PDE12: variants seen among roughly 807,000 people sequenced by gnomAD.
PDE12 encodes phosphodiesterase 12.
PDE12 carries 26 observed loss-of-function variants against 45.4 expected under a neutral mutation model. That is an observed-to-expected ratio of 0.57 (90% CI 0.42 to 0.79). The LOEUF (loss-of-function observed/expected upper bound fraction) is 0.79. PDE12 is among the 30% of genes least tolerant of loss of function. The pLI is 0.00. For missense variants in PDE12, 668 were observed against 790.0 expected (o/e 0.85, Z 1.85); for synonymous variants, 283 against 323.9 (o/e 0.87, Z 1.36).
chr3:57,635,260 T>G, the PDE12 span, among the ~76,000 whole-genome samples: 2 of 152,124 alleles, frequency 1.3e-5, no homozygotes, highest in Non-Finnish European at 2.9e-5. Flanking sequence ...GCTTTTCCAT[T>G]ATAGAAACTT....
At chr3:57,601,943 T>A in the PDE12 span, among the ~76,000 whole-genome samples, 3,603 of 150,422 alleles carry the variant, frequency 0.024, 68 homozygotes, top group Non-Finnish European at 0.035. Context: ...TTAGTAGAGA[T>A]GGGGTTTCAC....
chr3:57,557,762 G>C (rs2069683138), intron 1 of PDE12, 75 bp downstream of exon 1: 3 of 1,330,608 alleles, frequency 2.3e-6, no homozygotes, highest in South Asian at 2.6e-5. Flanking sequence ...TGAGGTGGGG[G>C]TTAAAAGTGC....
the PDE12 span, among the ~76,000 whole-genome samples, chr3:57,629,597 C>T: frequency 1.3e-5 from 2 of 150,244 alleles, no homozygotes; most frequent in Non-Finnish European, 3.0e-5. Flanking sequence ...CTGCAAGCTC[C>T]GCCTCCCGGG....
At chr3:57,654,685 C>T in the PDE12 span, 2 of 985,126 alleles carry the variant, frequency 2.0e-6, no homozygotes, top group Middle Eastern at 5.2e-4. Context: ...TTTCTGTGAT[C>T]AAGAAAGCTG....
the PDE12 span, chr3:57,645,604 C>T: frequency 7.8e-7 from 1 of 1,285,398 alleles, no homozygotes. Context: ...AAAAATAATT[C>T]TACACAATTT....
Position 57,556,866 on chromosome 3 carries a change from G to A in PDE12, c.487G>A (p.Ala163Thr). The A allele has an allele frequency of 6.2e-7, 1 of 1,614,102 alleles. No individual in the cohort carries two copies. The highest frequency in any genetic ancestry group is 2.2e-5 in the East Asian group (1 of 44,880). ...GTACAAGGTGGAGCGCAACCCGCCC[G>A]CCTTCACCGAACTGCAGTTGCCGCG... ...VKYKVERNPP[A>T]FTELQLPRYI... Residue 163 changes from alanine to threonine, a missense_variant, in exon 1 of 3, where the codon GCC becomes ACC. Ala to Thr is a moderately conservative substitution (Grantham distance 58). This residue lies in a region of PDE12 where 580 missense variants were observed against 662.9 expected (regional missense o/e 0.87). Transcript: ENST00000311180. This position sits in a 1 kb window ranked among gnomAD's most constrained non-coding sequence, Gnocchi z 5.0.
At chr3:57,628,368 C>T in the PDE12 span, 1 of 1,608,072 alleles carries the variant, frequency 6.2e-7, no homozygotes, top group South Asian at 1.1e-5. Flanking sequence ...CATTTCATAA[C>T]ATTTAAATTA....
chr3:57,597,605 T>A, the PDE12 span: 1 of 158,860 alleles, frequency 6.3e-6, no homozygotes, highest in Non-Finnish European at 1.4e-5. Context: ...CTGAGGCACA[T>A]GCGTACTGGG....
At chr3:57,642,596 C>T in the PDE12 span, among the ~76,000 whole-genome samples, 12 of 151,972 alleles carry the variant, frequency 7.9e-5, no homozygotes, top group African/African-American at 2.9e-4. Context: ...TATTGTTGCC[C>T]GATCATTAGA....
At chr3:57,619,916 TATC>T in the PDE12 span, among the ~76,000 whole-genome samples, 1 of 151,804 alleles carries the variant, frequency 6.6e-6, no homozygotes, top group Non-Finnish European at 1.5e-5. Flanking sequence ...CTACAGCTAG[TATC>T]ATAATTAGTG....
chr3:57,647,978 C>T, the PDE12 span, among the ~76,000 whole-genome samples: 1 of 151,928 alleles, frequency 6.6e-6, no homozygotes, highest in Non-Finnish European at 1.5e-5. Context: ...AAACTATTAG[C>T]TTGGGGGACA....
At chr3:57,578,922 G>GAAA in the PDE12 span, among the ~76,000 whole-genome samples, 1 of 151,578 alleles carries the variant, frequency 6.6e-6, no homozygotes, top group African/African-American at 2.4e-5. Context: ...TAATAAAAAA[G>GAAA]AAAAAAAGAT....
In PDE12 at chr3:57,556,594, G is replaced by A. The variant is rs980705433; in HGVS notation, c.215G>A (p.Gly72Asp). The A allele has an allele frequency of 6.2e-7, 1 of 1,612,874 alleles. No individual in the cohort carries two copies. The highest frequency in any genetic ancestry group is 1.3e-5 in the African/African-American group (1 of 74,952). Reference sequence around the variant, plus strand: ...CAGCGCGACCAGAGCGAGCCGCTGGGTCGAGTCCTCAGCCGCATCGCTACC... The same window carrying A: ...CAGCGCGACCAGAGCGAGCCGCTGGATCGAGTCCTCAGCCGCATCGCTACC... Reference protein sequence around the residue: ...NMQRDQSEPLGRVLSRIATNA... With the variant: ...NMQRDQSEPLDRVLSRIATNA... The change falls in exon 1 of 3, where the codon GGT (glycine) becomes GAT (aspartate). Residue 72 changes from glycine (G) to aspartate (D), a missense_variant. By Grantham distance (94) the Gly-to-Asp change is moderately conservative. This residue lies in a region of PDE12 where 580 missense variants were observed against 662.9 expected (regional missense o/e 0.87). Coordinates refer to ENST00000311180, the MANE Select transcript of PDE12 (RefSeq NM_177966.7). The surrounding 1 kb of genome is among the most constrained non-coding windows in gnomAD (Gnocchi z 5.0).
At chr3:57,584,466 TAGA>T in the PDE12 span, 9 of 1,611,122 alleles carry the variant, frequency 5.6e-6, no homozygotes, top group Middle Eastern at 1.7e-4. Context: ...CCAATCCAAC[TAGA>T]AGAAGACATT....
At chr3:57,590,672 G>A in the PDE12 span, among the ~76,000 whole-genome samples, 2 of 149,494 alleles carry the variant, frequency 1.3e-5, no homozygotes, top group African/African-American at 4.9e-5. Context: ...GTGTGTGTGT[G>A]TACATATATA....
rs1358069885 is a variant in PDE12 at position 57,564,491 on chromosome 3, T to C, written c.*4487T>C. The C allele has an allele frequency of 6.6e-6, 1 of 151,410 alleles. No homozygotes were observed. The highest frequency in any genetic ancestry group is 1.5e-5 in the Non-Finnish European group (1 of 67,934). 9.4% of individuals were successfully genotyped at this position (151,410 alleles called of 1,614,324 possible). ...GTCCATTTTGCCCAGTAATTCACTT[T>C]AATGATGTTATCATGAAGTATTGAT... On this transcript the variant is annotated 3_prime_UTR_variant, in exon 3 of 3. Coordinates refer to ENST00000311180, the MANE Select transcript of PDE12 (RefSeq NM_177966.7).
chr3:57,617,943 T>C, the PDE12 span, among the ~76,000 whole-genome samples: 2 of 151,424 alleles, frequency 1.3e-5, no homozygotes, highest in Non-Finnish European at 2.9e-5. Flanking sequence ...CAAGGAATAC[T>C]ATATACCCAT....
the PDE12 span, chr3:57,584,041 C>A: frequency 1.5e-6 from 2 of 1,368,840 alleles, no homozygotes; most frequent in Non-Finnish European, 2.1e-6. Context: ...CGCTGTGCAG[C>A]GTCATTAAGA....
At position 57,564,870 on chromosome 3, in the gene PDE12, A is replaced by T. The variant is rs1198611088; in HGVS notation, c.*4866A>T. ...TTTATAGGCAAAAAAAAAAAAAAAA[A>T]TGGTTTCACCATGTTGCCCAGGCTG... On this transcript the variant is annotated 3_prime_UTR_variant, in exon 3 of 3. Transcript: ENST00000311180. The T allele has an allele frequency of 6.9e-6, 1 of 144,766 alleles. No homozygotes were observed. The highest frequency in any genetic ancestry group is 2.1e-4 in the East Asian group (1 of 4,838). The allele number at this position is 144,766 out of a possible 1,614,324, so 9.0% of individuals were successfully genotyped here.
Sources: gnomAD v4.1 joint callset for allele counts (sites outside exome capture counted in the v4.1 genomes callset) on GRCh38, gnomAD v4.1.1 for gene constraint, gnomAD v4.1.1 regional missense constraint, Gnocchi (gnomAD v3.1) non-coding constraint, MANE v1.5 for transcripts, NCBI Gene and HGNC (gene_info 2026-07-23, HGNC 2026-07-21) for gene names.